Variants in PTGES2 observed in about 807,000 individuals in gnomAD.
PTGES2 encodes the protein GATE-binding factor 1.
Under a neutral mutation model 44.5 loss-of-function variants are expected in PTGES2, and 35 were observed. The ratio of observed to expected loss-of-function variants is 0.79; its 90% CI spans 0.60 to 1.04. PTGES2 has a LOEUF of 1.04. PTGES2 is among the 50% of genes least tolerant of loss of function. The pLI, the probability that PTGES2 is intolerant of heterozygous loss-of-function variation, is 0.00. For synonymous variants in PTGES2, 221 were observed against 227.5 expected, an observed-to-expected ratio of 0.97 and a Z score of 0.26; for missense variants, 517 against 521.4, an observed-to-expected ratio of 0.99 and a Z score of 0.08.
intron 2 of PTGES2, 85 bp from the exon 3 acceptor site, chr9:128,124,635 C>A (rs2130853011): frequency 7.1e-7 from 1 of 1,410,882 alleles, no homozygotes; most frequent in Non-Finnish European, 9.9e-7. Context: ...ACACTCTGGG[C>A]ATTGTTTATC....
upstream of PTGES2, chr9:128,127,927 T>C: frequency 4.5e-6 from 2 of 446,102 alleles, no homozygotes; most frequent in East Asian, 7.6e-5. Flanking sequence ...CGGGAACGTT[T>C]GCAGACCGTT....
upstream of PTGES2, chr9:128,128,071 C>G (rs1015911817): frequency 2.8e-6 from 1 of 362,704 alleles, no homozygotes; most frequent in South Asian, 2.4e-5. Context: ...ACCTCTCTTA[C>G]GGGCGCCCAT....
At chr9:128,121,997 G>A (rs1479093735) in intron 6 of PTGES2, among the ~76,000 whole-genome samples, 4 of 152,120 alleles carry the variant, frequency 2.6e-5, no homozygotes, top group South Asian at 2.1e-4. Flanking sequence ...CCCTCCCAGG[G>A]GTTTTCTGGG....
At chr9:128,122,524 A>T in intron 5 of PTGES2, 45 bp from the exon 6 acceptor site, 2 of 1,533,240 alleles carry the variant, frequency 1.3e-6, no homozygotes, top group Non-Finnish European at 1.8e-6. Context: ...CCCCACTCCC[A>T]GCCCAGCAGG....
At chr9:128,125,888 G>A (rs1287040564) in intron 1 of PTGES2, among the ~76,000 whole-genome samples, 2 of 152,184 alleles carry the variant, frequency 1.3e-5, no homozygotes, top group East Asian at 1.9e-4. Flanking sequence ...TTCACCAGTG[G>A]GGTCTACCTC....
upstream of PTGES2, chr9:128,127,943 C>A: frequency 2.4e-6 from 1 of 425,502 alleles, no homozygotes. Flanking sequence ...CCGTTCCATG[C>A]TTCCGCCTCC....
upstream of PTGES2, chr9:128,128,098 C>G (rs59264553): frequency 2.6e-3 from 951 of 359,360 alleles, 13 homozygotes; most frequent in African/African-American, 0.019. Flanking sequence ...CAACTCCAGC[C>G]CTTCCTAGAG....
intron 2 of PTGES2, chr9:128,124,788 C>T (rs1588071982): frequency 7.6e-7 from 1 of 1,315,014 alleles, no homozygotes; most frequent in Non-Finnish European, 9.8e-7. Flanking sequence ...CCCATTTGGC[C>T]TCCCAGGTAG....
At position 128,122,554 on chromosome 9, in the gene PTGES2, G is replaced by A; in HGVS notation, c.888-75C>T. The A allele has an allele frequency of 2.3e-6, 3 of 1,299,976 alleles. No homozygotes were observed. In the South Asian group the frequency reaches 3.6e-5, roughly 16 times the overall value. 80.5% of individuals were successfully genotyped at this position (1,299,976 alleles called of 1,614,324 possible). A position where few individuals can be genotyped will look rare whatever the true frequency, so the allele number is the denominator to read the frequency against. ...AGCAGGGAAGAGGGTCTCCTCTGGG[G>A]AGAGGGGGGAGGTGTGGAAGCCAGG... On this transcript the variant is annotated intron_variant, in intron 5 of 6. Transcript: ENST00000338961.
At chr9:128,128,241 C>T (rs1834730040), upstream of PTGES2, 1 of 448,608 alleles carries the variant, frequency 2.2e-6, no homozygotes, top group Non-Finnish European at 4.5e-6. Context: ...ATAAAATTTT[C>T]CCGAACCCGA....
chr9:128,124,879 C>G, intron 2 of PTGES2: 1 of 1,248,736 alleles, frequency 8.0e-7, no homozygotes, highest in Non-Finnish European at 1.0e-6. Flanking sequence ...TCCCTGCAAG[C>G]CAGAATATGG....
In PTGES2 at chr9:128,123,745, C is replaced by CG; in HGVS notation, c.642dup (p.Glu215ArgfsTer48). On this transcript the variant is annotated frameshift_variant, in exon 4 of 7. Transcript: ENST00000338961. LOFTEE classifies it high-confidence loss of function. This position sits in a 1 kb window ranked among gnomAD's most constrained non-coding sequence, Gnocchi z 4.4. ...CCATACACTTGCTGGGCCTCCTTCT[C>CG]GTTGAGCATGAGCCAGTACTTATTG... The CG allele has an allele frequency of 6.2e-7, 1 of 1,614,054 alleles. No homozygotes were observed. The highest frequency in any genetic ancestry group is 8.5e-7 in the Non-Finnish European group (1 of 1,179,984).
At position 128,122,867 on chromosome 9, in the gene PTGES2, G is replaced by A. The variant is rs562113010; in HGVS notation, c.887+67C>T. On this transcript the variant is annotated intron_variant, in intron 5 of 6. Coordinates refer to ENST00000338961, the MANE Select transcript of PTGES2 (RefSeq NM_025072.7). Reference sequence around the variant, plus strand: ...CGCTGGTCTCCTGAGGGGTGTGATGGGATCACCACTGCTCGTGGCACCGGA... The same window carrying A: ...CGCTGGTCTCCTGAGGGGTGTGATGAGATCACCACTGCTCGTGGCACCGGA... The A allele has an allele frequency of 1.2e-4, 188 of 1,538,792 alleles. 1 individual carries two copies. The South Asian group carries it at 2.0e-3, about 16-fold the overall frequency.
In PTGES2 at chr9:128,123,620, C is replaced by A; in HGVS notation, c.686+82G>T. On this transcript the variant is annotated intron_variant, in intron 4 of 6. Transcript: ENST00000338961. This position sits in a 1 kb window ranked among gnomAD's most constrained non-coding sequence, Gnocchi z 4.4. ...GGTCTCCCATGCTGCTCCCTGCTCA[C>A]GCCATCTTGCTCAGCTTGGTCCTAC... 1 of 1,437,024 alleles carries A rather than the reference C, an allele frequency of 7.0e-7. No homozygotes were observed. Among genetic ancestry groups the A allele is most frequent in the Non-Finnish European group, 9.5e-7 (1 of 1,047,540 alleles). 89.0% of individuals were successfully genotyped at this position (1,437,024 alleles called of 1,614,324 possible).
intron 3 of PTGES2, chr9:128,124,225 A>G: frequency 2.6e-6 from 1 of 384,712 alleles, no homozygotes; most frequent in Non-Finnish European, 4.9e-6. Context: ...CTGGGACTAC[A>G]GGCACTCGCC....
At chr9:128,127,927 T>A (rs562125450), upstream of PTGES2, 22 of 446,102 alleles carry the variant, frequency 4.9e-5, no homozygotes, top group East Asian at 8.4e-4. Context: ...CGGGAACGTT[T>A]GCAGACCGTT....
chr9:128,127,385 GTCCCGAGTTCGGCGCTGATCAGCA>G, intron 1 of PTGES2, 30 bp downstream of exon 1: 1 of 1,311,958 alleles, frequency 7.6e-7, no homozygotes. Context: ...GTTCCCAGGA[GTCCCGAGTTCGGCGCTGATCAGCA>G]TCCCCATCCC....
chr9:128,125,188 C>T (rs1020452917), intron 2 of PTGES2, 56 bp downstream of exon 2: 14 of 1,489,516 alleles, frequency 9.4e-6, no homozygotes, highest in South Asian at 1.3e-5. Context: ...GGCTAGGGGG[C>T]GCTCCAGGAC....
chr9:128,122,308 C>T lies in PTGES2; in HGVS notation c.1005+54G>A, dbSNP rs77605640. 5.1e-3 allele frequency: 7,133 copies of T among 1,412,232 alleles called. 91 individuals are homozygous for T. Among genetic ancestry groups the T allele is most frequent in the African/African-American group, 0.043 (3,026 of 70,940 alleles). 87.5% of individuals were successfully genotyped at this position (1,412,232 alleles called of 1,614,324 possible). A position where few individuals can be genotyped will look rare whatever the true frequency, so the allele number is the denominator to read the frequency against. ...CAGGCTTTCCCTTGCAAACCTCCCC[C>T]ACTCTGAGGACAGAACCCTCGGTCC... On this transcript the variant is annotated intron_variant, in intron 6 of 6. Transcript: ENST00000338961.
Sources: allele counts gnomAD v4.1 joint callset (sites outside exome capture counted in the v4.1 genomes callset), GRCh38; gene constraint gnomAD v4.1.1; non-coding constraint Gnocchi (gnomAD v3.1); transcripts MANE v1.5; gene names NCBI Gene and HGNC (gene_info 2026-07-23, HGNC 2026-07-21).